The following COL21A1 variants were observed in gnomAD, a reference collection of about 807,000 sequenced individuals.
The protein encoded by COL21A1 is collagen alpha-1(XXI) chain.
COL21A1 carries 149 observed loss-of-function variants against 137.9 expected under a neutral mutation model. The ratio of observed to expected loss-of-function variants is 1.08; its 90% CI spans 0.95 to 1.24. COL21A1 has a LOEUF of 1.24. COL21A1 is among the 50% of genes most tolerant of loss of function. The probability of loss-of-function intolerance (pLI) is 0.00; values close to 1 mark genes in which losing one functional copy is unlikely to be tolerated. For missense variants in COL21A1, 1,167 were observed against 1,158.4 expected (o/e 1.01, Z -0.11); for synonymous variants, 456 against 391.5 (o/e 1.16, Z -1.95).
rs575993471 is a variant in COL21A1, at chr6:56,364,412, C to T, written c.-39+29559G>A. Among the ~76,000 whole-genome samples the T allele has an allele frequency of 5.3e-5, 8 of 152,298 alleles. No individual in the cohort carries two copies. In the South Asian group the frequency reaches 1.7e-3, roughly 32 times the overall value. On this transcript the variant is annotated intron_variant, in intron 1 of 28. Transcript: ENST00000370819. ...TTTTCACAGATATTATCTTCAAGGGCCATTTTCTCCTGGATGCTGTTAACA... is the reference window on the plus strand; with the variant it reads ...TTTTCACAGATATTATCTTCAAGGGTCATTTTCTCCTGGATGCTGTTAACA...
chr6:56,166,720 A>G (rs1776607644), intron 7 of COL21A1, 186 bp downstream of exon 7: 2 of 684,112 alleles, frequency 2.9e-6, no homozygotes, highest in Admixed American at 4.3e-5. Context: ...ACAATGACAC[A>G]TAACAATCTC....
Position 56,101,465 on chromosome 6 carries a change from T to C in COL21A1, c.1812+7A>G, listed in dbSNP as rs751340768. ...ATCTTTTAGAACTGAAATGAGAAGG[T>C]ACTCACAGGCTCTCCCCGTGTTCCA... On this transcript the variant is annotated splice_region_variant and intron_variant, in intron 17 of 29. Coordinates refer to ENST00000244728, the MANE Select transcript of COL21A1 (RefSeq NM_030820.4). 1 of 1,584,822 alleles carries C rather than the reference T, an allele frequency of 6.3e-7. No homozygotes were observed. Among genetic ancestry groups the C allele is most frequent in the South Asian group, 1.1e-5 (1 of 87,086 alleles).
In COL21A1 at chr6:56,182,660, G is replaced by T; in HGVS notation, c.-38-4C>A. ...TAATATTTTGGTTTTAGGATTCCTAGGGGGAAAAAAAAGGCAAGTTAAATA... is the reference window on the plus strand; with the variant it reads ...TAATATTTTGGTTTTAGGATTCCTATGGGGAAAAAAAAGGCAAGTTAAATA... On this transcript the variant is annotated splice_region_variant and splice_polypyrimidine_tract_variant and intron_variant, in intron 1 of 29. Coordinates refer to ENST00000244728, the MANE Select transcript of COL21A1 (RefSeq NM_030820.4). 7.4e-7 allele frequency: 1 copy of T among 1,344,526 alleles called. No homozygotes were observed. Among genetic ancestry groups the T allele is most frequent in the Non-Finnish European group, 1.0e-6 (1 of 962,278 alleles). 83.3% of individuals were successfully genotyped at this position (1,344,526 alleles called of 1,614,324 possible). A position where few individuals can be genotyped will look rare whatever the true frequency, so the allele number is the denominator to read the frequency against.
intron 1 of COL21A1, among the ~76,000 whole-genome samples, chr6:56,238,065 G>A (rs756851858): frequency 1.3e-5 from 2 of 152,034 alleles, no homozygotes; most frequent in African/African-American, 2.4e-5. Flanking sequence ...ACATAGATCT[G>A]ACCACATATT....
intron 9 of COL21A1, among the ~76,000 whole-genome samples, chr6:56,161,017 C>G (rs1254434535): frequency 6.6e-6 from 1 of 152,136 alleles, no homozygotes; most frequent in African/African-American, 2.4e-5. Context: ...GTACCACTCC[C>G]TGAATCTAGG....
chr6:56,060,906 A>C lies in COL21A1; in HGVS notation c.2337T>G (p.Gly779=). The change falls in exon 26 of 30, where the codon GGT becomes GGG. Residue 779 remains glycine (G), a synonymous_variant. Coordinates refer to ENST00000244728, the MANE Select transcript of COL21A1 (RefSeq NM_030820.4). ...GAATACATACGGGCTTCCCATCCAA[A>C]CCTGGGGGTCCCTGAGGACCTGGAT... ...PGDPGPQGPP[G]LDGKPGREFS... is the part of the protein sequence containing the mutation. The C allele has an allele frequency of 6.3e-7, 1 of 1,576,680 alleles. No homozygotes were observed. Among genetic ancestry groups the C allele is most frequent in the Admixed American group, 2.0e-5 (1 of 50,378 alleles).
intron 1 of COL21A1, among the ~76,000 whole-genome samples, chr6:56,206,903 C>G (rs544210507): frequency 7.9e-5 from 12 of 151,916 alleles, no homozygotes; most frequent in African/African-American, 2.9e-4. Context: ...AACTGCACAA[C>G]TACTTGGAAA....
intron 1 of COL21A1, among the ~76,000 whole-genome samples, chr6:56,345,633 G>A (rs1219705737): frequency 6.6e-6 from 1 of 152,108 alleles, no homozygotes; most frequent in African/African-American, 2.4e-5. Context: ...CATCTTCCTG[G>A]GCCCCTTATG....
intron 1 of COL21A1, among the ~76,000 whole-genome samples, chr6:56,262,525 A>G (rs1022627693): frequency 2.6e-5 from 4 of 152,304 alleles, no homozygotes; most frequent in South Asian, 4.1e-4. Context: ...GAAGACAGCA[A>G]TGTGTCAGGA....
chr6:56,318,255 T>C (rs1038985685), intron 1 of COL21A1, among the ~76,000 whole-genome samples: 2 of 152,104 alleles, frequency 1.3e-5, no homozygotes, highest in African/African-American at 4.8e-5. Flanking sequence ...CCCACTCTGG[T>C]GAAATCTAAC....
At chr6:56,327,371 T>C (rs1486882999) in intron 1 of COL21A1, among the ~76,000 whole-genome samples, 1 of 151,934 alleles carries the variant, frequency 6.6e-6, no homozygotes, top group East Asian at 1.9e-4. Context: ...AAAATATTAT[T>C]CATTTAAACA....
chr6:56,155,590 A>G (rs977715792), intron 10 of COL21A1, among the ~76,000 whole-genome samples: 3 of 152,298 alleles, frequency 2.0e-5, no homozygotes, highest in African/African-American at 7.2e-5. Context: ...TTGACATTCA[A>G]ACATTCAAAA....
intron 5 of COL21A1, among the ~76,000 whole-genome samples, chr6:56,170,242 C>T (rs1451970033): frequency 2.0e-5 from 3 of 151,718 alleles, no homozygotes; most frequent in Non-Finnish European, 4.4e-5. Context: ...CAGTGTAAAA[C>T]AGACCAATAT....
intron 1 of COL21A1, among the ~76,000 whole-genome samples, chr6:56,390,511 C>CACACACACAG (rs1418951683): frequency 6.6e-6 from 1 of 151,166 alleles, no homozygotes; most frequent in Non-Finnish European, 1.5e-5. Context: ...CACACACACA[C>CACACACACAG]ACACACACAC....
At chr6:56,331,957 C>G (rs1206822477) in intron 1 of COL21A1, 1 of 151,990 alleles carries the variant, frequency 6.6e-6, no homozygotes, top group Non-Finnish European at 1.5e-5. Flanking sequence ...CAGATAAAAA[C>G]AGGCATTACC....
At chr6:56,334,019 T>C (rs1335836793) in intron 1 of COL21A1, among the ~76,000 whole-genome samples, 1 of 36,352 alleles carries the variant, frequency 2.8e-5, no homozygotes, top group Non-Finnish European at 5.5e-5. Context: ...ATACAGTGTA[T>C]GCTTTGCATA....
intron 3 of COL21A1, among the ~76,000 whole-genome samples, 162 bp from the exon 4 acceptor site, chr6:56,171,290 T>C (rs1777033163): frequency 6.6e-6 from 1 of 151,952 alleles, no homozygotes; most frequent in South Asian, 2.1e-4. Flanking sequence ...TGAATACATT[T>C]TCTGAGAAAA....
At chr6:56,235,825 C>CA (rs201376616) in intron 1 of COL21A1, among the ~76,000 whole-genome samples, 1,863 of 145,812 alleles carry the variant, frequency 0.013, 28 homozygotes, top group African/African-American at 0.031. Flanking sequence ...AGACTTTGGA[C>CA]AAAAAAAAAA....
chr6:56,191,658 A>G (rs185471691), intron 1 of COL21A1, among the ~76,000 whole-genome samples: 1 of 140,628 alleles, frequency 7.1e-6, no homozygotes, highest in Non-Finnish European at 1.5e-5. Context: ...TGCTACAAAG[A>G]GAATAAAATA....
Sources: gnomAD v4.1 joint callset for allele counts (sites outside exome capture counted in the v4.1 genomes callset) on GRCh38, gnomAD v4.1.1 for gene constraint, MANE v1.5 for transcripts, NCBI Gene and HGNC (gene_info 2026-07-23, HGNC 2026-07-21) for gene names.